The following CACNB4 variants were observed in gnomAD, a reference collection of about 807,000 sequenced individuals.
The protein encoded by CACNB4 is voltage-dependent L-type calcium channel subunit beta-4.
CACNB4 carries 32 observed loss-of-function variants against 71.2 expected under a neutral mutation model. The observed-to-expected ratio is 0.45, with a 90% confidence interval of 0.34 to 0.60. The LOEUF is 0.60. Among genes scored for constraint, CACNB4 ranks in the 20% least tolerant of loss-of-function variants. CACNB4 has a pLI of 0.01. For synonymous variants in CACNB4, 231 were observed against 236.9 expected, an observed-to-expected ratio of 0.97 and a Z score of 0.23; for missense variants, 464 against 647.9, an observed-to-expected ratio of 0.72 and a Z score of 3.08.
intron 4 of CACNB4, among the ~76,000 whole-genome samples, chr2:151,879,120 T>C (rs1370054765): frequency 2.0e-5 from 3 of 152,190 alleles, no homozygotes; most frequent in Non-Finnish European, 4.4e-5. Context: ...TAAATTTTAC[T>C]GTGTTGAGGA....
At chr2:151,874,950 A>G (rs1185725020) in intron 5 of CACNB4, 2 of 399,296 alleles carry the variant, frequency 5.0e-6, no homozygotes, top group Non-Finnish European at 8.8e-6. Flanking sequence ...ATACCAGGAG[A>G]CAAGAGATGC....
chr2:152,084,025 C>T (rs2105433613), intron 2 of CACNB4, among the ~76,000 whole-genome samples: 1 of 152,268 alleles, frequency 6.6e-6, no homozygotes, highest in African/African-American at 2.4e-5. Context: ...ATATAAATTA[C>T]TGTGAGTATG....
At chr2:151,911,957 T>C (rs1378473841) in intron 2 of CACNB4, among the ~76,000 whole-genome samples, 3 of 152,200 alleles carry the variant, frequency 2.0e-5, no homozygotes, top group Non-Finnish European at 4.4e-5. Flanking sequence ...TATTTTTGCA[T>C]AGATGTGTTT....
rs1305566561 is a variant in CACNB4 at position 151,876,576 on chromosome 2, T to C, written c.391-20A>G. On this transcript the variant is annotated intron_variant, in intron 4 of 13. Coordinates refer to ENST00000539935, the MANE Select transcript of CACNB4 (RefSeq NM_000726.5). ...ATATTTCTGGAATTCAGAAATAAAA[T>C]TGCTATCAATAGTAATTCACTTATC... 1.9e-6 allele frequency: 3 copies of C among 1,564,902 alleles called. No homozygotes were observed. Among genetic ancestry groups the C allele is most frequent in the Non-Finnish European group, 1.7e-6 (2 of 1,144,108 alleles).
chr2:152,007,469 A>T (rs574878231), intron 2 of CACNB4, among the ~76,000 whole-genome samples: 1 of 152,322 alleles, frequency 6.6e-6, no homozygotes, highest in South Asian at 2.1e-4. Flanking sequence ...ACCATAAAAC[A>T]TTCTTCCTTT....
At chr2:151,966,917 C>CT (rs2099871266) in intron 2 of CACNB4, among the ~76,000 whole-genome samples, 1 of 152,044 alleles carries the variant, frequency 6.6e-6, no homozygotes, top group African/African-American at 2.4e-5. Context: ...AAAGTAAGTT[C>CT]TATCATTATT....
intron 2 of CACNB4, among the ~76,000 whole-genome samples, chr2:151,909,094 T>A (rs2099855510): frequency 6.8e-6 from 1 of 147,516 alleles, no homozygotes; most frequent in Non-Finnish European, 1.5e-5. Context: ...ATAAATATAT[T>A]TATAAATATA....
chr2:152,005,931 G>A (rs1247640199), intron 2 of CACNB4, among the ~76,000 whole-genome samples: 4 of 152,128 alleles, frequency 2.6e-5, no homozygotes, highest in Admixed American at 6.5e-5. Flanking sequence ...TGCTCAGAAC[G>A]GTGCCTGGCA....
chr2:152,054,084 T>C (rs1283530089), intron 2 of CACNB4, among the ~76,000 whole-genome samples: 1 of 152,124 alleles, frequency 6.6e-6, no homozygotes, highest in African/African-American at 2.4e-5. Context: ...AAGTATTGTG[T>C]TGGCCGGGCG....
chr2:151,964,087 A>AATAAAT (rs1553795672), intron 2 of CACNB4, among the ~76,000 whole-genome samples: 1 of 151,008 alleles, frequency 6.6e-6, no homozygotes, highest in African/African-American at 2.4e-5. Flanking sequence ...AAAAAAAAAA[A>AATAAAT]AAAGAATGTT....
intron 2 of CACNB4, among the ~76,000 whole-genome samples, chr2:151,992,101 A>G (rs567082042): frequency 6.6e-5 from 10 of 152,190 alleles, no homozygotes; most frequent in Non-Finnish European, 1.2e-4. Flanking sequence ...AGAGGGCATT[A>G]AGTTTCCTCT....
At position 151,862,511 on chromosome 2, in the gene CACNB4, CA is replaced by C. The variant is rs140579226; in HGVS notation, c.759-1692del. On this transcript the variant is annotated intron_variant, in intron 9 of 13. Transcript: ENST00000539935. ...CTTCAAAATTGTCTCCCGCAGAAAC[CA>C]AGAGTTTTTGCAGATACACCTCAGG... Among the ~76,000 whole-genome samples, 1,298 of 152,242 alleles carry C rather than the reference CA, an allele frequency of 8.5e-3. 15 individuals are homozygous for C. The highest frequency in any genetic ancestry group is 0.03 in the African/African-American group (1,245 of 41,536).
At chr2:152,054,365 C>CAAAAA (rs34291036) in intron 2 of CACNB4, among the ~76,000 whole-genome samples, 2 of 85,182 alleles carry the variant, frequency 2.3e-5, no homozygotes, top group Non-Finnish European at 4.5e-5. Flanking sequence ...AACTCCGTCT[C>CAAAAA]AAAAAAAAAA....
At chr2:151,845,954 A>C (rs972661977) in intron 12 of CACNB4, among the ~76,000 whole-genome samples, 5 of 152,256 alleles carry the variant, frequency 3.3e-5, no homozygotes, top group Non-Finnish European at 7.3e-5. Flanking sequence ...GAAGAGTGAA[A>C]AACATGCCTC....
rs191682145 is a variant in CACNB4 at position 151,839,436 on chromosome 2, T to C, written c.1303-57A>G. On this transcript the variant is annotated intron_variant, in intron 13 of 13. Transcript: ENST00000539935. ...AATGTCAGCTTCATTCATCTAAACA[T>C]GTAAATGTATGTAAAATCATAGGAT... 4 of 1,307,066 alleles carry C rather than the reference T, an allele frequency of 3.1e-6. No homozygotes were observed. In the African/African-American group the frequency reaches 5.9e-5, roughly 19 times the overall value. The allele number at this position is 1,307,066 out of a possible 1,614,324, so 81.0% of individuals were successfully genotyped here. A position where few individuals can be genotyped will look rare whatever the true frequency, so the allele number is the denominator to read the frequency against.
chr2:151,976,175 C>A (rs1319235522), intron 2 of CACNB4, among the ~76,000 whole-genome samples: 1 of 152,234 alleles, frequency 6.6e-6, no homozygotes, highest in Non-Finnish European at 1.5e-5. Flanking sequence ...ACCCCTCTAA[C>A]TAAGAATAGA....
Position 152,098,115 on chromosome 2 carries a change from C to T in CACNB4, c.147+215G>A, listed in dbSNP as rs1205689748. Among the ~76,000 whole-genome samples, 2 of 152,256 alleles carry T rather than the reference C, an allele frequency of 1.3e-5. No individual in the cohort carries two copies. The highest frequency in any genetic ancestry group is 3.8e-4 in the East Asian group (2 of 5,198). On this transcript the variant is annotated intron_variant, in intron 2 of 13. Transcript: ENST00000539935. This position sits in a 1 kb window ranked among gnomAD's most constrained non-coding sequence, Gnocchi z 5.3. ...CTGTCCACACACATGCACAAACTAA[C>T]TTCCCGGGGCGGTGCGGAGACGCCG...
chr2:152,042,456 G>A (rs1684925372), intron 2 of CACNB4, among the ~76,000 whole-genome samples: 1 of 152,144 alleles, frequency 6.6e-6, no homozygotes, highest in Non-Finnish European at 1.5e-5. Context: ...GGATCCCTGA[G>A]TGAGTCCTAC....
chr2:151,841,824 C>A (rs2099836302), intron 13 of CACNB4, 79 bp downstream of exon 13: 1 of 1,195,250 alleles, frequency 8.4e-7, no homozygotes, highest in South Asian at 1.3e-5. Context: ...AAGGATGACT[C>A]CAGTCTCCAT....
Sources: gnomAD v4.1 joint callset for allele counts (sites outside exome capture counted in the v4.1 genomes callset) on GRCh38, gnomAD v4.1.1 for gene constraint, Gnocchi (gnomAD v3.1) non-coding constraint, MANE v1.5 for transcripts, NCBI Gene and HGNC (gene_info 2026-07-23, HGNC 2026-07-21) for gene names.